The following RICTOR variants were observed in gnomAD, a reference collection of about 807,000 sequenced individuals.
RICTOR encodes RPTOR independent companion of MTOR complex 2.
In RICTOR, 49 loss-of-function variants were observed where a neutral mutation model predicts 214.9. That is an observed-to-expected ratio of 0.23 (90% CI 0.18 to 0.29). RICTOR has a LOEUF of 0.29. Ranked by LOEUF, RICTOR falls within the 10% of genes least tolerant of loss-of-function variation. RICTOR has a pLI of 1.00. For synonymous variants in RICTOR, 717 were observed against 711.3 expected (o/e 1.01, Z -0.13); for missense variants, 1,625 against 2,047.0 (o/e 0.79, Z 3.98).
chr5:38,978,717 A>G (rs1196005000), intron 8 of RICTOR, 67 bp from the exon 9 acceptor site: 1 of 755,914 alleles, frequency 1.3e-6, no homozygotes, highest in Non-Finnish European at 2.2e-6. Flanking sequence ...CATTTTATGG[A>G]ATGTAACATT....
At chr5:39,036,174 A>C (rs1004765789) in intron 2 of RICTOR, among the ~76,000 whole-genome samples, 13 of 152,380 alleles carry the variant, frequency 8.5e-5, no homozygotes, top group African/African-American at 2.9e-4. Context: ...ACATTCTAAA[A>C]GAAAAGAATA....
intron 3 of RICTOR, among the ~76,000 whole-genome samples, chr5:39,015,827 C>T (rs1754899287): frequency 6.6e-6 from 1 of 152,106 alleles, no homozygotes; most frequent in Non-Finnish European, 1.5e-5. Context: ...TTACAGAGCA[C>T]ATATTATGTG....
At position 39,002,639 on chromosome 5, in the gene RICTOR, T is replaced by C; in HGVS notation, c.288A>G (p.Ala96=). ...GTAGCCCTGCTGCTCGCACTTCTTT[T>C]GCTTCATTTAATAAAGCTAACCGCA... ...ICLRLALLNE[A]KEVRAAGLRA... The change falls in exon 5 of 38, where the codon GCA becomes GCG. Residue 96 remains alanine, a synonymous_variant. Transcript: ENST00000357387. 4 of 1,609,270 alleles carry C rather than the reference T, an allele frequency of 2.5e-6. No homozygotes were observed. The highest frequency in any genetic ancestry group is 3.4e-6 in the Non-Finnish European group (4 of 1,178,086).
rs749328695 is a variant in RICTOR at position 38,978,656 on chromosome 5, T to TA, written c.754-7dup. ...GTATAGGGTGCTAAAATTCTCTATT[T>TA]AAAAAAAAAAAGGAAGAAAAGAGTC... is the stretch of plus-strand genomic sequence containing the variant. On this transcript the variant is annotated splice_polypyrimidine_tract_variant and splice_region_variant and intron_variant, in intron 8 of 37. Transcript: ENST00000357387. 17,004 of 1,110,184 alleles carry TA rather than the reference T, an allele frequency of 0.015. 1 individual carries two copies. The highest frequency in any genetic ancestry group is 0.017 in the South Asian group (1,029 of 60,604). The allele number at this position is 1,110,184 out of a possible 1,614,324, so 68.8% of individuals were successfully genotyped here. A position where few individuals can be genotyped will look rare whatever the true frequency, so the allele number is the denominator to read the frequency against.
intron 9 of RICTOR, 128 bp from the exon 10 acceptor site, chr5:38,975,732 A>T: frequency 3.6e-6 from 2 of 557,156 alleles, no homozygotes; most frequent in South Asian, 3.0e-5. Flanking sequence ...AATTAAAACA[A>T]GACAAAGATC....
intron 21 of RICTOR, 67 bp downstream of exon 21, chr5:38,959,712 T>C (rs1318014834): frequency 9.7e-5 from 97 of 1,002,042 alleles, no homozygotes; most frequent in African/African-American, 6.4e-5. Context: ...ATAAAAAGCA[T>C]ACCATATCTA....
chr5:38,955,269 T>C (rs1231805948), intron 26 of RICTOR, among the ~76,000 whole-genome samples: 2 of 151,994 alleles, frequency 1.3e-5, no homozygotes, highest in Non-Finnish European at 2.9e-5. Context: ...ATGCAAATAT[T>C]CCAAATCTGA....
At chr5:39,043,622 A>T (rs185192074) in intron 2 of RICTOR, among the ~76,000 whole-genome samples, 1 of 152,322 alleles carries the variant, frequency 6.6e-6, no homozygotes, top group East Asian at 1.9e-4. Context: ...GAACATTCTC[A>T]CCACAAAGAA....
chr5:39,000,777 A>C (rs2150101317), intron 5 of RICTOR, among the ~76,000 whole-genome samples: 1 of 152,170 alleles, frequency 6.6e-6, no homozygotes, highest in East Asian at 1.9e-4. Context: ...CAAAACTGTT[A>C]AATAAGAGGT....
chr5:38,996,747 G>A (rs1041707229), intron 6 of RICTOR, 72 bp downstream of exon 6: 5 of 893,724 alleles, frequency 5.6e-6, no homozygotes, highest in African/African-American at 5.0e-5. Context: ...TTTCACAAAA[G>A]TCTAATCTAA....
At chr5:39,065,212 C>T (rs1026715145) in intron 2 of RICTOR, among the ~76,000 whole-genome samples, 4 of 152,252 alleles carry the variant, frequency 2.6e-5, no homozygotes, top group African/African-American at 7.2e-5. Flanking sequence ...ATAGCAAAGA[C>T]GAAGCGTGTG....
intron 19 of RICTOR, 74 bp from the exon 20 acceptor site, chr5:38,960,607 A>C: frequency 7.0e-7 from 1 of 1,437,658 alleles, no homozygotes; most frequent in South Asian, 1.2e-5. Flanking sequence ...ATTACTTATG[A>C]CATAATAAGG....
At chr5:38,970,594 A>G (rs1287833026) in intron 11 of RICTOR, 1 of 152,222 alleles carries the variant, frequency 6.6e-6, no homozygotes, top group East Asian at 1.9e-4. Flanking sequence ...ACACCTGGCT[A>G]ATATTTTCTA....
chr5:39,071,364 C>T (rs1034053901), intron 2 of RICTOR, among the ~76,000 whole-genome samples: 1 of 151,962 alleles, frequency 6.6e-6, no homozygotes, highest in Admixed American at 6.5e-5. Flanking sequence ...AAAAGAAGCT[C>T]GAATACCATA....
intron 2 of RICTOR, among the ~76,000 whole-genome samples, chr5:39,027,714 C>A (rs1237552635): frequency 6.6e-6 from 1 of 152,120 alleles, no homozygotes; most frequent in Non-Finnish European, 1.5e-5. Flanking sequence ...CTAACACTTC[C>A]ATCCCGCAGA....
chr5:39,034,779 C>A (rs2150156725), intron 2 of RICTOR, among the ~76,000 whole-genome samples: 1 of 152,340 alleles, frequency 6.6e-6, no homozygotes, highest in East Asian at 1.9e-4. Context: ...GGGGCGCCCG[C>A]CATTGCTGAG....
chr5:39,053,872 G>A (rs1758017889), intron 2 of RICTOR, among the ~76,000 whole-genome samples: 2 of 137,270 alleles, frequency 1.5e-5, no homozygotes, highest in East Asian at 4.4e-4. Context: ...CAGCCTGGGC[G>A]ACAGCGAGAC....
At chr5:39,008,675 A>T (rs1424019623) in intron 3 of RICTOR, among the ~76,000 whole-genome samples, 1 of 152,030 alleles carries the variant, frequency 6.6e-6, no homozygotes, top group Non-Finnish European at 1.5e-5. Flanking sequence ...CAAATAAGAA[A>T]ATTTAACTAT....
intron 2 of RICTOR, among the ~76,000 whole-genome samples, chr5:39,021,500 C>T (rs933656173): frequency 6.6e-6 from 1 of 152,138 alleles, no homozygotes; most frequent in Non-Finnish European, 1.5e-5. Context: ...GAAGGCTCTG[C>T]CCCCATGAAT....
Sources: allele counts gnomAD v4.1 joint callset (sites outside exome capture counted in the v4.1 genomes callset), GRCh38; gene constraint gnomAD v4.1.1; transcripts MANE v1.5; gene names NCBI Gene and HGNC (gene_info 2026-07-23, HGNC 2026-07-21).